Variants in GPM6B observed in about 807,000 individuals in gnomAD.
GPM6B encodes the protein glycoprotein M6B.
In GPM6B, 4 loss-of-function variants were observed where a neutral mutation model predicts 27.2. The ratio of observed to expected loss-of-function variants is 0.15; its 90% CI spans 0.07 to 0.34. GPM6B has a LOEUF of 0.34. Ranked by LOEUF, GPM6B falls within the 10% of genes least tolerant of loss-of-function variation. The probability of loss-of-function intolerance (pLI) is 1.00; values close to 1 mark genes in which losing one functional copy is unlikely to be tolerated. For missense variants in GPM6B, 183 were observed against 261.9 expected (o/e 0.70, Z 2.08); for synonymous variants, 124 against 103.1 (o/e 1.20, Z -1.23).
intron 1 of GPM6B, among the ~76,000 whole-genome samples, chrX:13,883,693 T>TAA (rs763473816): frequency 3.9e-5 from 3 of 76,933 alleles, no homozygotes; most frequent in African/African-American, 1.5e-4. Context: ...CTTCGTCTCT[T>TAA]AAAAAAAAAA....
At chrX:13,795,904 G>A (rs1398118962) in intron 2 of GPM6B, among the ~76,000 whole-genome samples, 3 of 108,303 alleles carry the variant, frequency 2.8e-5, no homozygotes, top group Non-Finnish European at 5.8e-5. Flanking sequence ...GGCACATGCT[G>A]CCATGCCTGG....
intron 1 of GPM6B, among the ~76,000 whole-genome samples, chrX:13,857,752 C>T (rs764795488): frequency 8.9e-6 from 1 of 112,643 alleles, no homozygotes; most frequent in South Asian, 3.7e-4. Flanking sequence ...TTCATTATTT[C>T]AATAAGCATT....
chrX:13,855,028 T>C (rs745792893), intron 1 of GPM6B, among the ~76,000 whole-genome samples: 1,931 of 64,128 alleles, frequency 0.03, 50 homozygotes, highest in African/African-American at 0.13. Context: ...CCACTCCCCT[T>C]TTTTTTTTGA....
intron 1 of GPM6B, among the ~76,000 whole-genome samples, chrX:13,858,956 T>C (rs778749047): frequency 8.9e-6 from 1 of 112,546 alleles, no homozygotes; most frequent in Admixed American, 9.4e-5. Context: ...AGCACCTGCA[T>C]TAAGTTTCCT....
chrX:13,849,876 T>C (rs774087419), intron 1 of GPM6B, among the ~76,000 whole-genome samples: 1 of 110,064 alleles, frequency 9.1e-6, no homozygotes, highest in Admixed American at 9.7e-5. Context: ...CTGGCCAACA[T>C]GGTGAAACCT....
chrX:13,792,927 A>AC (rs1478873238), intron 2 of GPM6B, among the ~76,000 whole-genome samples: 5 of 98,455 alleles, frequency 5.1e-5, no homozygotes, highest in Non-Finnish European at 8.2e-5. Flanking sequence ...AATTCTAAGC[A>AC]CCCCCCACCC....
rs1041930923 is a variant in GPM6B at position 13,797,649 on chromosome X, G to A, written c.181+10001C>T. Among the ~76,000 whole-genome samples, 3 of 111,043 alleles carry A rather than the reference G, an allele frequency of 2.7e-5. No homozygotes were observed. The East Asian group carries it at 8.5e-4, about 31-fold the overall frequency. ...AGAGAGGGAAGGTTTGTGAGCAGGC[G>A]AGGCGTGACTCAGGATGTGCTTTTA... On this transcript the variant is annotated intron_variant, in intron 2 of 7. Coordinates refer to ENST00000316715, the MANE Select transcript of GPM6B (RefSeq NM_001001995.3).
At chrX:13,926,776 T>C (rs982180175) in intron 1 of GPM6B, among the ~76,000 whole-genome samples, 2 of 112,295 alleles carry the variant, frequency 1.8e-5, no homozygotes, top group Non-Finnish European at 3.8e-5. Flanking sequence ...GGCTGAAAAG[T>C]GAAAAGCGTG....
intron 1 of GPM6B, among the ~76,000 whole-genome samples, chrX:13,864,277 C>CA (rs944354460): frequency 2.7e-5 from 3 of 112,830 alleles, no homozygotes; most frequent in African/African-American, 9.6e-5. Flanking sequence ...TCTTATTCAG[C>CA]AAAAAAGTAG....
chrX:13,798,244 G>C (rs1018894), intron 2 of GPM6B, among the ~76,000 whole-genome samples: 28,268 of 109,364 alleles, frequency 0.26, 2,868 homozygotes, highest in Admixed American at 0.44. Flanking sequence ...TGAAAGCCAA[G>C]AGCCACATTA....
In GPM6B at chrX:13,886,719, T is replaced by TAAAAAAAAA. The variant is rs5901522; in HGVS notation, c.-198+51599_-198+51607dup. Among the ~76,000 whole-genome samples the TAAAAAAAAA allele has an allele frequency of 3.9e-3, 137 of 35,089 alleles. 24 individuals carry two copies. The highest frequency in any genetic ancestry group is 0.025 in the African/African-American group (129 of 5,137). 30.5% of individuals were successfully genotyped at this position (35,089 alleles called of 115,157 possible). On this transcript the variant is annotated intron_variant, in intron 1 of 6. Coordinates refer to the GPM6B transcript ENST00000398361. ...ACCTCTCTCTACCTTAAGTCACTAC[T>TAAAAAAAAA]AAAAAAAAAAAAAAAAAAAAAAATC... is the stretch of plus-strand genomic sequence containing the variant.
At chrX:13,888,917 C>T (rs759460364) in intron 1 of GPM6B, 2 of 111,876 alleles carry the variant, frequency 1.8e-5, no homozygotes, top group East Asian at 5.6e-4. Context: ...CCAACTAGAA[C>T]AATGGGCTTT....
chrX:13,926,070 T>C (rs1189686325), intron 1 of GPM6B, among the ~76,000 whole-genome samples: 1 of 91,488 alleles, frequency 1.1e-5, no homozygotes, highest in Admixed American at 1.2e-4. Context: ...AAAAAAATTA[T>C]TCTATAAGTT....
intron 1 of GPM6B, among the ~76,000 whole-genome samples, chrX:13,807,988 C>G (rs1243418610): frequency 1.8e-5 from 2 of 112,357 alleles, no homozygotes; most frequent in Admixed American, 1.9e-4. Flanking sequence ...TTTTCTACAT[C>G]TTTCCCCCAA....
chrX:13,938,405 G>T, exon 1 of GPM6B: 1 of 339,347 alleles, frequency 2.9e-6, no homozygotes, highest in Non-Finnish European at 4.7e-6. Context: ...CCGAGGAGGC[G>T]CCACCTGAGC....
At chrX:13,785,526 G>A in intron 3 of GPM6B, 96 bp downstream of exon 3, 1 of 826,170 alleles carries the variant, frequency 1.2e-6, no homozygotes, top group East Asian at 3.2e-5. Context: ...GACTTCAGGT[G>A]ATCTGCCTGC....
At chrX:13,881,047 T>C (rs1478741768) in intron 1 of GPM6B, among the ~76,000 whole-genome samples, 1 of 111,757 alleles carries the variant, frequency 8.9e-6, no homozygotes, top group East Asian at 2.8e-4. Flanking sequence ...CTGCTCACAC[T>C]CTGGAAATAC....
chrX:13,804,546 A>G (rs763661258), intron 2 of GPM6B, among the ~76,000 whole-genome samples: 234 of 111,067 alleles, frequency 2.1e-3, no homozygotes, highest in Middle Eastern at 9.2e-3. Flanking sequence ...TAAGGAAAGA[A>G]TAACTATCTA....
rs1172072465 is a variant in GPM6B, at chrX:13,837,721, G to C, written c.-197-51913C>G. 1.6e-4 allele frequency among the ~76,000 whole-genome samples: 14 copies of C among 86,430 alleles called. 1 individual carries two copies. Among genetic ancestry groups the C allele is most frequent in the South Asian group, 6.7e-4 (1 of 1,495 alleles). The allele number at this position is 86,430 out of a possible 115,157, so 75.1% of individuals were successfully genotyped here. A position where few individuals can be genotyped will look rare whatever the true frequency, so the allele number is the denominator to read the frequency against. On this transcript the variant is annotated intron_variant, in intron 1 of 6. Coordinates refer to the GPM6B transcript ENST00000398361. ...TCAAAGCAAGTTGGTGGGGGGGGGGGGGGGGGGAAGCAGAGGGGAAAGCAA... is the reference window on the plus strand; with the variant it reads ...TCAAAGCAAGTTGGTGGGGGGGGGGCGGGGGGGAAGCAGAGGGGAAAGCAA...
Sources: gnomAD v4.1 joint callset for allele counts (sites outside exome capture counted in the v4.1 genomes callset) on GRCh38, gnomAD v4.1.1 for gene constraint, MANE v1.5 for transcripts, NCBI Gene and HGNC (gene_info 2026-07-23, HGNC 2026-07-21) for gene names.